CNTNAP2: variants seen among roughly 807,000 people sequenced by gnomAD.
CNTNAP2 encodes the protein contactin-associated protein-like 2.
A neutral mutation model predicts 155.2 loss-of-function variants in CNTNAP2; 98 were observed. The observed-to-expected ratio is 0.63, with a 90% CI of 0.54 to 0.75. CNTNAP2 has a LOEUF of 0.75. Ranked by LOEUF, CNTNAP2 falls within the 30% of genes least tolerant of loss-of-function variation. CNTNAP2 has a pLI of 0.00. For missense variants in CNTNAP2, 1,727 were observed against 1,688.1 expected (o/e 1.02, Z -0.40); for synonymous variants, 651 against 631.2 (o/e 1.03, Z -0.47).
At chr7:147,290,920 G>C (rs1805292454) in intron 8 of CNTNAP2, among the ~76,000 whole-genome samples, 1 of 152,078 alleles carries the variant, frequency 6.6e-6, no homozygotes, top group Admixed American at 6.6e-5. Context: ...CACAAATGTT[G>C]AATCTGCAAA....
chr7:147,810,720 C>T (rs113435963), intron 13 of CNTNAP2, among the ~76,000 whole-genome samples: 4,938 of 152,250 alleles, frequency 0.032, 135 homozygotes, highest in Non-Finnish European at 0.051. Flanking sequence ...ATTTTGATTG[C>T]TATGATTTCA....
At chr7:147,890,743 TTTTAAAAG>T (rs1232412206) in intron 13 of CNTNAP2, among the ~76,000 whole-genome samples, 2 of 152,254 alleles carry the variant, frequency 1.3e-5, no homozygotes, top group African/African-American at 4.8e-5. Flanking sequence ...TATATGGAAT[TTTTAAAAG>T]TTGCACTCAT....
intron 10 of CNTNAP2, among the ~76,000 whole-genome samples, chr7:147,432,516 A>G (rs1797482188): frequency 6.6e-6 from 1 of 152,206 alleles, no homozygotes; most frequent in South Asian, 2.1e-4. Context: ...CACATTAGCT[A>G]CATGTTGTGA....
At chr7:147,373,084 C>T (rs534861531) in intron 9 of CNTNAP2, among the ~76,000 whole-genome samples, 3 of 152,056 alleles carry the variant, frequency 2.0e-5, no homozygotes, top group Non-Finnish European at 4.4e-5. Context: ...TCTATTCTAA[C>T]CCGTTATTGT....
chr7:147,092,657 T>C (rs572180843), intron 4 of CNTNAP2, among the ~76,000 whole-genome samples: 3 of 152,274 alleles, frequency 2.0e-5, no homozygotes, highest in African/African-American at 7.2e-5. Context: ...AATCATCAAA[T>C]AGCTTTAAAA....
chr7:146,721,818 ATG>A (rs1209595748), intron 1 of CNTNAP2, among the ~76,000 whole-genome samples: 9 of 122,332 alleles, frequency 7.4e-5, no homozygotes, highest in Non-Finnish European at 1.4e-4. Flanking sequence ...TAGTCTATAT[ATG>A]TAGACTATAT....
chr7:146,120,469 CAA>C (rs1232568282), intron 1 of CNTNAP2, among the ~76,000 whole-genome samples: 1 of 152,058 alleles, frequency 6.6e-6, no homozygotes, highest in South Asian at 2.1e-4. Flanking sequence ...CAAAATTGGG[CAA>C]AAAAATTAAT....
chr7:146,293,429 T>C (rs1800463388), intron 1 of CNTNAP2, among the ~76,000 whole-genome samples: 1 of 152,334 alleles, frequency 6.6e-6, no homozygotes, highest in Non-Finnish European at 1.5e-5. Context: ...GATGGTTTAT[T>C]GATTGTTTCA....
In CNTNAP2 at chr7:148,321,774, C is replaced by T. The variant is rs114106202; in HGVS notation, c.3475+54648C>T. Among the ~76,000 whole-genome samples the T allele has an allele frequency of 8.0e-3, 1,211 of 152,144 alleles. 12 individuals carry two copies. Among genetic ancestry groups the T allele is most frequent in the African/African-American group, 0.027 (1,137 of 41,500 alleles). Reference sequence around the variant, plus strand: ...GTAAACTTGCTTCGATGCACTGTCTCCTTCTAGGCACATTACTCTGGAGTA... The same window carrying T: ...GTAAACTTGCTTCGATGCACTGTCTTCTTCTAGGCACATTACTCTGGAGTA... On this transcript the variant is annotated intron_variant, in intron 21 of 23. Coordinates refer to ENST00000361727, the MANE Select transcript of CNTNAP2 (RefSeq NM_014141.6).
chr7:147,668,198 C>A (rs930553921), intron 13 of CNTNAP2, among the ~76,000 whole-genome samples: 2 of 152,118 alleles, frequency 1.3e-5, no homozygotes, highest in African/African-American at 4.8e-5. Context: ...AGGAAATTCA[C>A]AGTGAAAGGT....
chr7:146,235,284 T>G (rs1259494323), intron 1 of CNTNAP2, among the ~76,000 whole-genome samples: 1 of 151,916 alleles, frequency 6.6e-6, no homozygotes, highest in African/African-American at 2.4e-5. Flanking sequence ...GTGGAGTTCC[T>G]TTTCTGAGGT....
chr7:147,269,882 T>A (rs1804702143), intron 8 of CNTNAP2, among the ~76,000 whole-genome samples: 1 of 152,012 alleles, frequency 6.6e-6, no homozygotes, highest in Admixed American at 6.6e-5. Flanking sequence ...GTAAGACCAC[T>A]GTCTCTAAAA....
intron 1 of CNTNAP2, among the ~76,000 whole-genome samples, chr7:146,584,302 G>A (rs1798654720): frequency 6.6e-6 from 1 of 152,064 alleles, no homozygotes; most frequent in South Asian, 2.1e-4. Flanking sequence ...TGTATAATGT[G>A]GACAATCATC....
intron 13 of CNTNAP2, among the ~76,000 whole-genome samples, chr7:147,640,127 C>A (rs941126189): frequency 6.6e-6 from 1 of 151,874 alleles, no homozygotes; most frequent in Admixed American, 6.6e-5. Flanking sequence ...CCTTAATTGA[C>A]AAAATTGTAT....
chr7:147,301,507 G>A lies in CNTNAP2; in HGVS notation c.1498+1217G>A, dbSNP rs566975032. 5.5e-4 allele frequency among the ~76,000 whole-genome samples: 84 copies of A among 151,580 alleles called. 1 individual carries two copies. In the South Asian group the frequency reaches 0.017, roughly 31 times the overall value. ...TTTAAAATCTGTATGTTACATGTTT[G>A]CCTCTGAAAATGTTTCTATTTGTAT... On this transcript the variant is annotated intron_variant, in intron 9 of 23. Transcript: ENST00000361727.
At chr7:146,433,394 G>A (rs1274225518) in intron 1 of CNTNAP2, among the ~76,000 whole-genome samples, 4 of 152,098 alleles carry the variant, frequency 2.6e-5, no homozygotes, top group Non-Finnish European at 4.4e-5. Context: ...AGAAAAGCTC[G>A]AGGAGACAAA....
rs774850982 is a variant in CNTNAP2 at position 148,061,932 on chromosome 7, G to GAT, written c.2384-56184_2384-56183dup. On this transcript the variant is annotated intron_variant, in intron 15 of 23. Coordinates refer to ENST00000361727, the MANE Select transcript of CNTNAP2 (RefSeq NM_014141.6). ...ATAGATAAACAGATATAGATAGATA[G>GAT]ATAGATAGATAGATAAACAGATATA... 2.5e-3 allele frequency among the ~76,000 whole-genome samples: 347 copies of GAT among 137,374 alleles called. 23 individuals carry two copies. The highest frequency in any genetic ancestry group is 9.0e-3 in the African/African-American group (304 of 33,678). The allele number at this position is 137,374 out of a possible 152,430, so 90.1% of individuals were successfully genotyped here.
intron 8 of CNTNAP2, among the ~76,000 whole-genome samples, chr7:147,267,391 T>C (rs1804637125): frequency 1.3e-5 from 2 of 152,306 alleles, no homozygotes; most frequent in South Asian, 4.1e-4. Flanking sequence ...TACTCAACGA[T>C]TGAGGAGTGA....
intron 8 of CNTNAP2, among the ~76,000 whole-genome samples, chr7:147,194,997 T>C (rs1190331750): frequency 6.6e-6 from 1 of 152,234 alleles, no homozygotes; most frequent in African/African-American, 2.4e-5. Flanking sequence ...TCTTTGCCCA[T>C]GCTTATGTCC....
Sources: gnomAD v4.1 joint callset for allele counts (sites outside exome capture counted in the v4.1 genomes callset) on GRCh38, gnomAD v4.1.1 for gene constraint, MANE v1.5 for transcripts, NCBI Gene and HGNC (gene_info 2026-07-23, HGNC 2026-07-21) for gene names.